Variants in FBXL13 observed in about 807,000 individuals in gnomAD.
FBXL13 encodes F-box and leucine-rich repeat protein 13.
FBXL13 carries 67 observed loss-of-function variants against 83.6 expected under a neutral mutation model. The ratio of observed to expected loss-of-function variants is 0.80; its 90% confidence interval spans 0.66 to 0.98. The LOEUF is 0.98. Among genes scored for constraint, FBXL13 ranks in the 50% least tolerant of loss-of-function variants. The pLI, the probability that FBXL13 is intolerant of heterozygous loss-of-function variation, is 0.00. For synonymous variants in FBXL13, 272 were observed against 299.5 expected (o/e 0.91, Z 0.95); for missense variants, 822 against 866.5 (o/e 0.95, Z 0.64).
intron 19 of FBXL13, among the ~76,000 whole-genome samples, chr7:102,819,277 G>A (rs1005592312): frequency 6.6e-6 from 1 of 152,078 alleles, no homozygotes; most frequent in East Asian, 1.9e-4. Context: ...TCTGATCATA[G>A]TTGTTACTTA....
At chr7:102,870,260 C>G (rs936102156) in intron 16 of FBXL13, among the ~76,000 whole-genome samples, 1 of 152,150 alleles carries the variant, frequency 6.6e-6, no homozygotes, top group African/African-American at 2.4e-5. Context: ...ATATACAGCA[C>G]ATTAGGAACT....
At chr7:102,964,405 T>TA (rs35861251) in intron 7 of FBXL13, among the ~76,000 whole-genome samples, 23,496 of 127,370 alleles carry the variant, frequency 0.18, 2,025 homozygotes, top group African/African-American at 0.24. Context: ...TATATATATA[T>TA]TTTTTTTTTT....
upstream of FBXL13, chr7:103,074,761 G>T: frequency 7.8e-7 from 1 of 1,289,820 alleles, no homozygotes; most frequent in Non-Finnish European, 1.0e-6. Flanking sequence ...GCATTGCGTA[G>T]CGAGGCCATG....
intron 6 of FBXL13, among the ~76,000 whole-genome samples, chr7:103,007,574 G>A (rs999254111): frequency 1.4e-4 from 22 of 152,032 alleles, no homozygotes; most frequent in African/African-American, 4.8e-4. Context: ...AATGTTAAAG[G>A]GGGTTCTTTA....
intron 17 of FBXL13, among the ~76,000 whole-genome samples, chr7:102,833,357 A>AG (rs1239015222): frequency 2.6e-5 from 4 of 152,132 alleles, no homozygotes; most frequent in Non-Finnish European, 4.4e-5. Context: ...GGAATCAGAC[A>AG]GACCCGAGTT....
chr7:102,975,696 A>G (rs1827332875), intron 6 of FBXL13, among the ~76,000 whole-genome samples: 1 of 152,188 alleles, frequency 6.6e-6, no homozygotes, highest in Non-Finnish European at 1.5e-5. Context: ...GTCCAGAAGG[A>G]ACCGATATTT....
At chr7:103,063,144 G>A (rs560586779) in intron 1 of FBXL13, among the ~76,000 whole-genome samples, 6 of 152,220 alleles carry the variant, frequency 3.9e-5, no homozygotes, top group East Asian at 1.9e-4. Context: ...ATAGTATAAC[G>A]GAGTCCACTT....
intron 19 of FBXL13, among the ~76,000 whole-genome samples, chr7:102,815,459 G>A (rs947369754): frequency 3.9e-5 from 6 of 152,020 alleles, no homozygotes; most frequent in African/African-American, 1.5e-4. Context: ...GCTTCTGCTG[G>A]ATTGCTGGTC....
At chr7:102,864,544 T>A (rs1365129120) in intron 16 of FBXL13, among the ~76,000 whole-genome samples, 1 of 152,126 alleles carries the variant, frequency 6.6e-6, no homozygotes, top group African/African-American at 2.4e-5. Context: ...AATTTTTGTA[T>A]TTTTAGTAGA....
At chr7:102,841,123 G>A (rs1473797612) in intron 17 of FBXL13, among the ~76,000 whole-genome samples, 1 of 152,182 alleles carries the variant, frequency 6.6e-6, no homozygotes, top group African/African-American at 2.4e-5. Flanking sequence ...AAGCCTAGGT[G>A]TGTCACATAG....
intron 11 of FBXL13, among the ~76,000 whole-genome samples, chr7:102,904,568 T>C (rs911146382): frequency 4.6e-5 from 7 of 152,086 alleles, no homozygotes; most frequent in Non-Finnish European, 4.4e-5. Flanking sequence ...TTTTTTGTTG[T>C]CATTTCATTG....
intron 6 of FBXL13, among the ~76,000 whole-genome samples, chr7:102,999,115 T>A (rs1034568483): frequency 7.0e-6 from 1 of 142,324 alleles, no homozygotes; most frequent in Non-Finnish European, 1.5e-5. Flanking sequence ...TTGTTGAGGG[T>A]TTTTTTTTTA....
intron 18 of FBXL13, among the ~76,000 whole-genome samples, chr7:102,828,224 G>A (rs1800074576): frequency 6.6e-6 from 1 of 152,110 alleles, no homozygotes; most frequent in East Asian, 1.9e-4. Flanking sequence ...AGCATGGAAT[G>A]TTCTTCCATT....
At chr7:102,890,876 C>A (rs1811454367) in intron 11 of FBXL13, among the ~76,000 whole-genome samples, 1 of 152,186 alleles carries the variant, frequency 6.6e-6, no homozygotes, top group Non-Finnish European at 1.5e-5. Flanking sequence ...TGTACCACCT[C>A]CAGCTGTTTC....
chr7:102,945,931 G>T (rs1822401484), intron 8 of FBXL13, among the ~76,000 whole-genome samples: 1 of 152,076 alleles, frequency 6.6e-6, no homozygotes, highest in Non-Finnish European at 1.5e-5. Flanking sequence ...GCCCAGGCTG[G>T]AGTGCAGTGC....
intron 10 of FBXL13, among the ~76,000 whole-genome samples, chr7:102,924,875 C>A (rs552897307): frequency 6.6e-6 from 1 of 151,932 alleles, no homozygotes; most frequent in Non-Finnish European, 1.5e-5. Context: ...ATGATCCACC[C>A]GCCCCGGCCT....
chr7:103,026,833 A>AT (rs1793974318), intron 5 of FBXL13, among the ~76,000 whole-genome samples: 1 of 152,170 alleles, frequency 6.6e-6, no homozygotes, highest in African/African-American at 2.4e-5. Flanking sequence ...CTTACTTTAT[A>AT]TTTCAAAGAA....
chr7:103,072,705 C>T (rs1425573147), intron 1 of FBXL13, among the ~76,000 whole-genome samples: 1 of 152,210 alleles, frequency 6.6e-6, no homozygotes, highest in Non-Finnish European at 1.5e-5. Context: ...CCCCCACCTC[C>T]TGTGTTTCCA....
chr7:102,995,881 T>C (rs1789735828), intron 6 of FBXL13, among the ~76,000 whole-genome samples: 1 of 152,268 alleles, frequency 6.6e-6, no homozygotes, highest in Non-Finnish European at 1.5e-5. Flanking sequence ...AAACTGGCAA[T>C]GATTTCTACT....
Sources: allele counts gnomAD v4.1 joint callset (sites outside exome capture counted in the v4.1 genomes callset), GRCh38; gene constraint gnomAD v4.1.1; transcripts MANE v1.5; gene names NCBI Gene and HGNC (gene_info 2026-07-23, HGNC 2026-07-21).